The following PRDM16 variants were observed in gnomAD, a reference collection of about 807,000 sequenced individuals.
PRDM16 encodes the protein PR/SET domain 16.
In PRDM16, 23 loss-of-function variants were observed where a neutral mutation model predicts 110.6. The observed-to-expected ratio is 0.21, with a 90% CI of 0.15 to 0.29. The LOEUF is 0.29. PRDM16 is among the 10% of genes least tolerant of loss of function. The pLI is 1.00. For synonymous variants in PRDM16, 799 were observed against 781.8 expected (o/e 1.02, Z -0.37); for missense variants, 1,615 against 1,794.3 (o/e 0.90, Z 1.81).
At chr1:3,118,114 C>T (rs74550123) in intron 1 of PRDM16, among the ~76,000 whole-genome samples, 2,535 of 127,828 alleles carry the variant, frequency 0.02, 54 homozygotes, top group African/African-American at 0.064. Flanking sequence ...TGTGTGTGTG[C>T]GTGTGCGTGT....
Position 3,433,826 on chromosome 1 carries a change from G to T in PRDM16, c.*15G>T. On this transcript the variant is annotated 3_prime_UTR_variant, in exon 17 of 17. Coordinates refer to ENST00000270722, the MANE Select transcript of PRDM16 (RefSeq NM_022114.4). ...ACCACCTCTGACGGGCTGGGCAGCC[G>T]GGGGCCGGTGGCCAGAGCGAGGGCA... is the stretch of plus-strand genomic sequence containing the variant. 2 of 1,610,022 alleles carry T rather than the reference G, an allele frequency of 1.2e-6. No homozygotes were observed. The highest frequency in any genetic ancestry group is 2.2e-5 in the East Asian group (1 of 44,806).
chr1:3,269,690 G>T (rs942670621), intron 3 of PRDM16, among the ~76,000 whole-genome samples: 7 of 151,318 alleles, frequency 4.6e-5, no homozygotes, highest in Admixed American at 2.0e-4. Context: ...ACAGTTGGGA[G>T]AAGGACAGTC....
rs2100664117 is a variant in PRDM16, at chr1:3,412,329, T to A, written c.2132T>A (p.Met711Lys). The A allele has an allele frequency of 6.2e-7, 1 of 1,613,852 alleles. No individual in the cohort carries two copies. The highest frequency in any genetic ancestry group is 1.3e-5 in the African/African-American group (1 of 75,056). The change falls in exon 9 of 17, where the codon ATG becomes AAG. Residue 711 changes from methionine (M) to lysine (K), a missense_variant. Physicochemically the swap from Met to Lys is moderately conservative, Grantham distance 95 (BLOSUM62 -1). Coordinates refer to ENST00000270722, the MANE Select transcript of PRDM16 (RefSeq NM_022114.4). Reference sequence around the variant, plus strand: ...TACTTTGGCCCCGGCTTCATGGGGATGCAGGAGAAGAAGCTGGGCTCGCTC... The same window carrying A: ...TACTTTGGCCCCGGCTTCATGGGGAAGCAGGAGAAGAAGCTGGGCTCGCTC... ...EKYFGPGFMG[M>K]QEKKLGSLPY... is the part of the protein sequence containing the mutation.
intron 2 of PRDM16, among the ~76,000 whole-genome samples, chr1:3,205,080 G>A (rs1040438925): frequency 1.1e-4 from 16 of 151,744 alleles, no homozygotes; most frequent in Admixed American, 6.6e-4. Context: ...AAAGGCTCCC[G>A]TCCCCTTCCC....
At chr1:3,207,954 G>A (rs1184078649) in intron 2 of PRDM16, 3 of 152,318 alleles carry the variant, frequency 2.0e-5, no homozygotes, top group Non-Finnish European at 4.4e-5. Flanking sequence ...ACCCAGGCGT[G>A]GACCCTAGCC....
At chr1:3,289,287 G>A (rs923069750) in intron 3 of PRDM16, among the ~76,000 whole-genome samples, 4 of 152,222 alleles carry the variant, frequency 2.6e-5, no homozygotes, top group Admixed American at 2.6e-4. Flanking sequence ...AGATTCCTGG[G>A]TGCGCTGGCA....
At position 3,176,264 on chromosome 1, in the gene PRDM16, G is replaced by GTCCA. The variant is rs1224462324; in HGVS notation, c.38-9838_38-9835dup. 1.1e-3 allele frequency among the ~76,000 whole-genome samples: 166 copies of GTCCA among 147,558 alleles called. No homozygotes were observed. In the East Asian group the frequency reaches 0.016, roughly 15 times the overall value. On this transcript the variant is annotated intron_variant, in intron 1 of 16. Coordinates refer to ENST00000270722, the MANE Select transcript of PRDM16 (RefSeq NM_022114.4). ...CTATCTATGCATTCATCCACCATCTGTCCATCCATCCATCCATCCATCCAT... is the reference window on the plus strand; with the variant it reads ...CTATCTATGCATTCATCCACCATCTGTCCATCCATCCATCCATCCATCCATCCAT...
chr1:3,227,504 G>A (rs10158583), intron 2 of PRDM16, among the ~76,000 whole-genome samples: 17,937 of 152,290 alleles, frequency 0.12, 1,311 homozygotes, highest in South Asian at 0.3. Flanking sequence ...CTGGAGGTGC[G>A]TAAGGCCGGC....
chr1:3,355,943 A>G (rs756353637), intron 3 of PRDM16, among the ~76,000 whole-genome samples: 3 of 152,050 alleles, frequency 2.0e-5, no homozygotes, highest in Non-Finnish European at 4.4e-5. Flanking sequence ...TCTGAGGTGA[A>G]TGTGAGCAAA....
intron 14 of PRDM16, among the ~76,000 whole-genome samples, chr1:3,428,582 C>T (rs561999288): frequency 6.6e-6 from 1 of 152,204 alleles, no homozygotes; most frequent in Non-Finnish European, 1.5e-5. Flanking sequence ...GCGTCACTGA[C>T]GAAAATGAGA....
rs192980258 is a variant in PRDM16 at position 3,141,411 on chromosome 1, C to T, written c.38-44714C>T. ...GAGCCGGCTTGAGCGCTGTCTGCAG[C>T]CTCCTCGGTCTCCCCGCATTAGCAG... is the stretch of plus-strand genomic sequence containing the variant. On this transcript the variant is annotated intron_variant, in intron 1 of 16. Transcript: ENST00000270722. 6.6e-3 allele frequency among the ~76,000 whole-genome samples: 999 copies of T among 152,372 alleles called. 41 individuals are homozygous for T. The highest frequency in any genetic ancestry group is 0.059 in the Admixed American group (903 of 15,308).
At position 3,250,467 on chromosome 1, in the gene PRDM16, C is replaced by G. The variant is rs76321541; in HGVS notation, c.438+6330C>G. On this transcript the variant is annotated intron_variant, in intron 3 of 16. Coordinates refer to ENST00000270722, the MANE Select transcript of PRDM16 (RefSeq NM_022114.4). ...TATCAATGTAACCCTTTTGCCGCCG[C>G]CCCCCCACCGCCATTCTAAATTGAG... is the stretch of plus-strand genomic sequence containing the variant. Among the ~76,000 whole-genome samples the G allele has an allele frequency of 0.014, 2,174 of 151,976 alleles. 109 individuals are homozygous for G. The East Asian group carries it at 0.14, about 10-fold the overall frequency.
chr1:3,110,217 G>A (rs56770599), intron 1 of PRDM16, among the ~76,000 whole-genome samples: 5 of 130,584 alleles, frequency 3.8e-5, no homozygotes, highest in South Asian at 2.6e-4. Context: ...CACAGTGCTC[G>A]GGGGCTCCCC....
At chr1:3,237,699 C>T (rs1639569072) in intron 2 of PRDM16, among the ~76,000 whole-genome samples, 1 of 152,214 alleles carries the variant, frequency 6.6e-6, no homozygotes, top group South Asian at 2.1e-4. Context: ...GCCAGCCTCG[C>T]CCGGGCGGTG....
Position 3,246,416 on chromosome 1 carries a change from A to C in PRDM16, c.438+2279A>C, listed in dbSNP as rs957322197. Among the ~76,000 whole-genome samples the C allele has an allele frequency of 6.6e-6, 1 of 152,180 alleles. No homozygotes were observed. The highest frequency in any genetic ancestry group is 2.4e-5 in the African/African-American group (1 of 41,452). ...GGAATCAGAGCAGACCCGATGCACG[A>C]GACCCCCCACGGCACCGCCGCGACT... On this transcript the variant is annotated intron_variant, in intron 3 of 16. Transcript: ENST00000270722. The surrounding 1 kb of genome is among the most constrained non-coding windows in gnomAD (Gnocchi z 5.2).
chr1:3,202,801 C>G (rs1256812345), intron 2 of PRDM16, among the ~76,000 whole-genome samples: 2 of 152,182 alleles, frequency 1.3e-5, no homozygotes, highest in Non-Finnish European at 2.9e-5. Flanking sequence ...CTTGAGCAAG[C>G]CATCGTGGCC....
Position 3,412,441 on chromosome 1 carries a change from C to G in PRDM16, c.2244C>G (p.Asn748Lys). 1 of 1,612,676 alleles carries G rather than the reference C, an allele frequency of 6.2e-7. No individual in the cohort carries two copies. The highest frequency in any genetic ancestry group is 8.5e-7 in the Non-Finnish European group (1 of 1,179,512). Residue 748 changes from asparagine (N) to lysine (K), a missense_variant, in exon 9 of 17, where the codon AAC becomes AAG. Asn to Lys is a moderately conservative substitution (Grantham distance 94, BLOSUM62 0). Around this residue, in one of 5 missense-constraint regions of PRDM16, gnomAD observed 772 missense variants for 748.3 expected, o/e 1.03. Coordinates refer to ENST00000270722, the MANE Select transcript of PRDM16 (RefSeq NM_022114.4). ...YPFTDRALAH[N>K]LLVKAEPKSP... ...TCACGGACCGAGCCCTCGCCCACAA[C>G]TTGCTGGTCAAGGCCGAGCCAAAGT...
At chr1:3,324,076 C>T (rs940084847) in intron 3 of PRDM16, among the ~76,000 whole-genome samples, 2 of 152,188 alleles carry the variant, frequency 1.3e-5, no homozygotes, top group African/African-American at 4.8e-5. Flanking sequence ...CAGGGCCAGC[C>T]CCTCCTGGAC....
In PRDM16 at chr1:3,412,263, C is replaced by G. The variant is rs577251077; in HGVS notation, c.2066C>G (p.Ala689Gly). 116 of 1,613,296 alleles carry G rather than the reference C, an allele frequency of 7.2e-5. No individual in the cohort carries two copies. Among genetic ancestry groups the G allele is most frequent in the Non-Finnish European group, 9.5e-5 (112 of 1,179,874 alleles). Residue 689 changes from alanine to glycine, a missense_variant, in exon 9 of 17, where the codon GCC becomes GGC. Coordinates refer to ENST00000270722, the MANE Select transcript of PRDM16 (RefSeq NM_022114.4). ...DEQLLTATGA[A>G]GDSIKAIASI... ...CAGCTGCTGACTGCAACGGGCGCCG[C>G]CGGGGACTCCATCAAGGCCATCGCA...
Sources: allele counts gnomAD v4.1 joint callset (sites outside exome capture counted in the v4.1 genomes callset), GRCh38; gene constraint gnomAD v4.1.1; regional missense constraint gnomAD v4.1.1; non-coding constraint Gnocchi (gnomAD v3.1); transcripts MANE v1.5; gene names NCBI Gene and HGNC (gene_info 2026-07-23, HGNC 2026-07-21).